The following AHCYL2 variants were observed in gnomAD, a reference collection of about 807,000 sequenced individuals.
AHCYL2 encodes adenosylhomocysteinase like 2, also known as S-adenosylhomocysteine hydrolase-like protein 2.
Under a neutral mutation model 81.4 loss-of-function variants are expected in AHCYL2, and 28 were observed. The observed-to-expected ratio is 0.34, with a 90% confidence interval of 0.25 to 0.47. AHCYL2 has a LOEUF of 0.47. Among genes scored for constraint, AHCYL2 ranks in the 20% least tolerant of loss-of-function variants. The pLI is 1.00. For synonymous variants in AHCYL2, 272 were observed against 290.2 expected (o/e 0.94, Z 0.64); for missense variants, 551 against 785.1 (o/e 0.70, Z 3.56).
intron 1 of AHCYL2, among the ~76,000 whole-genome samples, chr7:129,253,567 CTCTG>C (rs1478897578): frequency 6.6e-6 from 1 of 152,182 alleles, no homozygotes; most frequent in Non-Finnish European, 1.5e-5. Context: ...ACCTCAGTTT[CTCTG>C]TCTGTAAATA....
rs959547849 is a variant in AHCYL2, at chr7:129,304,735, ATTT to A, written c.364-74897_364-74895del. ...TTTTTGGTTTCCATTGATATGGAAT[ATTT>A]TTTTTCATCCTTTCATTTTCACTCT... On this transcript the variant is annotated intron_variant, in intron 1 of 16. Transcript: ENST00000325006. Among the ~76,000 whole-genome samples, 14 of 150,638 alleles carry A rather than the reference ATTT, an allele frequency of 9.3e-5. No homozygotes were observed. In the East Asian group the frequency reaches 2.7e-3, roughly 29 times the overall value.
At chr7:129,235,195 T>G (rs543916825) in intron 1 of AHCYL2, among the ~76,000 whole-genome samples, 137 of 152,288 alleles carry the variant, frequency 9.0e-4, no homozygotes, top group South Asian at 1.0e-3. Context: ...CCTTGGCTTC[T>G]GTGACACCGA....
At position 129,427,940 on chromosome 7, in the gene AHCYL2, G is replaced by C; in HGVS notation, c.*895G>C. ...GAAACACTGCTTCCTGAAACTTCCTGCTATTGCCTAAAGCTACGTCTGAAA... is the reference window on the plus strand; with the variant it reads ...GAAACACTGCTTCCTGAAACTTCCTCCTATTGCCTAAAGCTACGTCTGAAA... On this transcript the variant is annotated 3_prime_UTR_variant, in exon 17 of 17. Transcript: ENST00000325006. The surrounding 1 kb of genome is among the most constrained non-coding windows in gnomAD (Gnocchi z 5.5). 1 of 152,568 alleles carries C rather than the reference G, an allele frequency of 6.6e-6. No individual in the cohort carries two copies. The highest frequency in any genetic ancestry group is 1.9e-4 in the East Asian group (1 of 5,190). The allele number at this position is 152,568 out of a possible 1,614,324, so 9.5% of individuals were successfully genotyped here. A position where few individuals can be genotyped will look rare whatever the true frequency, so the allele number is the denominator to read the frequency against.
chr7:129,392,185 T>TA (rs34114985), intron 4 of AHCYL2, among the ~76,000 whole-genome samples: 1 of 152,166 alleles, frequency 6.6e-6, no homozygotes, highest in South Asian at 2.1e-4. Context: ...TTTTTTCCTT[T>TA]AAAAAAATAA....
intron 1 of AHCYL2, among the ~76,000 whole-genome samples, chr7:129,343,194 G>C (rs561510456): frequency 6.6e-6 from 1 of 152,112 alleles, no homozygotes; most frequent in South Asian, 2.1e-4. Context: ...CACATTTCTT[G>C]GTATTCAATA....
intron 5 of AHCYL2, among the ~76,000 whole-genome samples, chr7:129,397,731 G>T (rs1795812868): frequency 6.6e-6 from 1 of 152,182 alleles, no homozygotes; most frequent in Non-Finnish European, 1.5e-5. Context: ...TCTGCTTCAG[G>T]AGTAAAGAAG....
chr7:129,271,482 G>T (rs2150728961), intron 1 of AHCYL2, among the ~76,000 whole-genome samples: 1 of 152,080 alleles, frequency 6.6e-6, no homozygotes, highest in Admixed American at 6.5e-5. Context: ...TCATAGAACA[G>T]AATACTATTA....
At chr7:129,345,867 G>A (rs1310729932) in intron 1 of AHCYL2, among the ~76,000 whole-genome samples, 2 of 152,148 alleles carry the variant, frequency 1.3e-5, no homozygotes, top group Non-Finnish European at 2.9e-5. Flanking sequence ...AATCCTAGAG[G>A]AGGAAGAGCA....
intron 1 of AHCYL2, among the ~76,000 whole-genome samples, chr7:129,229,374 G>A (rs947265915): frequency 2.0e-5 from 3 of 152,114 alleles, no homozygotes; most frequent in Non-Finnish European, 4.4e-5. Context: ...TATGTGCCAG[G>A]AGTTGTCATA....
chr7:129,377,029 G>A (rs1056061490), intron 1 of AHCYL2, among the ~76,000 whole-genome samples: 1 of 152,186 alleles, frequency 6.6e-6, no homozygotes, highest in African/African-American at 2.4e-5. Context: ...ATTCAAACAA[G>A]TATAGACAGT....
At position 129,428,719 on chromosome 7, in the gene AHCYL2, A is replaced by G. The variant is rs1256232268; in HGVS notation, c.*1674A>G. On this transcript the variant is annotated 3_prime_UTR_variant, in exon 17 of 17. Coordinates refer to ENST00000325006, the MANE Select transcript of AHCYL2 (RefSeq NM_015328.4). ...CATATACTCTCAAAGCTAGTCTGAA[A>G]GTGACCTTACTTTCGGAAGTAGGGA... The G allele has an allele frequency of 6.6e-6, 1 of 152,216 alleles. No individual in the cohort carries two copies. Among genetic ancestry groups the G allele is most frequent in the Non-Finnish European group, 1.5e-5 (1 of 68,046 alleles). 9.4% of individuals were successfully genotyped at this position (152,216 alleles called of 1,614,324 possible).
At chr7:129,344,482 TAA>T (rs1172434763) in intron 1 of AHCYL2, among the ~76,000 whole-genome samples, 2 of 152,182 alleles carry the variant, frequency 1.3e-5, no homozygotes, top group Non-Finnish European at 2.9e-5. Context: ...AAGCTAGATA[TAA>T]AAGAGTATTT....
chr7:129,272,269 T>C (rs946898599), intron 1 of AHCYL2, among the ~76,000 whole-genome samples: 1 of 152,192 alleles, frequency 6.6e-6, no homozygotes, highest in African/African-American at 2.4e-5. Flanking sequence ...CCTAGGCGTA[T>C]GGCTCCCAGT....
At chr7:129,343,406 G>A (rs953272526) in intron 1 of AHCYL2, among the ~76,000 whole-genome samples, 2 of 152,114 alleles carry the variant, frequency 1.3e-5, no homozygotes, top group African/African-American at 4.8e-5. Flanking sequence ...CTTTGTTAGC[G>A]ATATATGGAC....
chr7:129,283,953 T>TA (rs1408978038), intron 1 of AHCYL2, among the ~76,000 whole-genome samples: 1 of 152,174 alleles, frequency 6.6e-6, no homozygotes, highest in Non-Finnish European at 1.5e-5. Flanking sequence ...TCCAGCTATT[T>TA]AAAAAATTTT....
At chr7:129,330,757 G>A (rs1032715665) in intron 1 of AHCYL2, among the ~76,000 whole-genome samples, 4 of 152,132 alleles carry the variant, frequency 2.6e-5, no homozygotes, top group Admixed American at 6.5e-5. Context: ...CACCACGCCC[G>A]GCCTCTGGTA....
At chr7:129,270,816 A>G (rs1795982974) in intron 1 of AHCYL2, among the ~76,000 whole-genome samples, 1 of 152,100 alleles carries the variant, frequency 6.6e-6, no homozygotes, top group Non-Finnish European at 1.5e-5. Context: ...AAGTTTGTCC[A>G]CTCCGTGTGG....
At chr7:129,225,503 G>A (rs577237718) in intron 1 of AHCYL2, 64 bp downstream of exon 1, 1 of 1,422,166 alleles carries the variant, frequency 7.0e-7, no homozygotes, top group Non-Finnish European at 9.1e-7. Context: ...AGATCCTCTC[G>A]GCACGGCGGC....
chr7:129,272,598 A>G (rs1796058604), intron 1 of AHCYL2, among the ~76,000 whole-genome samples: 1 of 152,190 alleles, frequency 6.6e-6, no homozygotes, highest in Admixed American at 6.5e-5. Flanking sequence ...AGGCTGGGAA[A>G]AGAGTGAACC....
Sources: gnomAD v4.1 joint callset for allele counts (sites outside exome capture counted in the v4.1 genomes callset) on GRCh38, gnomAD v4.1.1 for gene constraint, Gnocchi (gnomAD v3.1) non-coding constraint, MANE v1.5 for transcripts, NCBI Gene and HGNC (gene_info 2026-07-23, HGNC 2026-07-21) for gene names.